Variants in EEPD1 observed in about 807,000 individuals in gnomAD.
EEPD1 encodes endonuclease/exonuclease/phosphatase family domain containing 1.
In EEPD1, 17 loss-of-function variants were observed where a neutral mutation model predicts 46.3. That is an observed-to-expected ratio of 0.37 (90% CI 0.25 to 0.55). The LOEUF is 0.55. Among genes scored for constraint, EEPD1 ranks in the 20% least tolerant of loss-of-function variants. The pLI is 0.83. For missense variants in EEPD1, 673 were observed against 745.6 expected, an observed-to-expected ratio of 0.90 and a Z score of 1.13; for synonymous variants, 313 against 315.6, an observed-to-expected ratio of 0.99 and a Z score of 0.09.
chr7:36,225,064 G>A lies in EEPD1; in HGVS notation c.879-13921G>A, dbSNP rs556139885. 1.3e-5 allele frequency among the ~76,000 whole-genome samples: 2 copies of A among 152,082 alleles called. No individual in the cohort carries two copies. The highest frequency in any genetic ancestry group is 4.8e-5 in the African/African-American group (2 of 41,486). The stretch of plus-strand genomic sequence containing the variant: ...GCCACCAGAGACAAAAAAAAAATAG[G>A]CTCTCCTCTCGAGCCTCCAGAGGGA... On this transcript the variant is annotated intron_variant, in intron 2 of 7. Transcript: ENST00000242108. The surrounding 1 kb of genome is among the most constrained non-coding windows in gnomAD (Gnocchi z 4.2).
At chr7:36,184,990 CA>C (rs1362663920) in intron 2 of EEPD1, among the ~76,000 whole-genome samples, 1 of 152,140 alleles carries the variant, frequency 6.6e-6, no homozygotes, top group Admixed American at 6.5e-5. Flanking sequence ...CTGGGCCTTC[CA>C]AAGTGCTGGG....
intron 3 of EEPD1, among the ~76,000 whole-genome samples, chr7:36,263,063 C>G (rs944584184): frequency 1.3e-5 from 2 of 152,156 alleles, no homozygotes; most frequent in African/African-American, 4.8e-5. Flanking sequence ...TTTAGCTGTT[C>G]ATGGTGGTGC....
chr7:36,213,841 C>A (rs1785980591), intron 2 of EEPD1, among the ~76,000 whole-genome samples: 2 of 152,152 alleles, frequency 1.3e-5, no homozygotes, highest in African/African-American at 4.8e-5. Flanking sequence ...AGAGCAAGGG[C>A]AGGGCAGGGT....
intron 6 of EEPD1, among the ~76,000 whole-genome samples, chr7:36,290,858 G>A (rs1189684341): frequency 6.6e-6 from 1 of 152,186 alleles, no homozygotes; most frequent in Non-Finnish European, 1.5e-5. Flanking sequence ...TCAAGGGAGC[G>A]ACAAAGGAGC....
intron 2 of EEPD1, among the ~76,000 whole-genome samples, chr7:36,218,467 C>T (rs1489333732): frequency 6.6e-6 from 1 of 151,964 alleles, no homozygotes; most frequent in Non-Finnish European, 1.5e-5. Context: ...TTTCTCAAAA[C>T]ACCTTATACT....
Position 36,183,916 on chromosome 7 carries a change from T to G in EEPD1, c.878+28714T>G, listed in dbSNP as rs559207959. Among the ~76,000 whole-genome samples the G allele has an allele frequency of 4.7e-5, 7 of 150,500 alleles. No homozygotes were observed. The South Asian group carries it at 1.5e-3, about 31-fold the overall frequency. On this transcript the variant is annotated intron_variant, in intron 2 of 7. Transcript: ENST00000242108. Reference sequence around the variant, plus strand: ...TTTTAAAAAAATGTGTGTTGTTGTTTATTATGTTTTCTCACAAACAGCCGC... The same window carrying G: ...TTTTAAAAAAATGTGTGTTGTTGTTGATTATGTTTTCTCACAAACAGCCGC...
intron 2 of EEPD1, among the ~76,000 whole-genome samples, chr7:36,159,780 C>A (rs1207622645): frequency 2.0e-5 from 3 of 152,176 alleles, no homozygotes; most frequent in Non-Finnish European, 4.4e-5. Flanking sequence ...GGGCTTGAGG[C>A]CAGAGGTAGA....
chr7:36,273,749 G>A (rs73105469), intron 3 of EEPD1, among the ~76,000 whole-genome samples: 2,357 of 152,230 alleles, frequency 0.015, 34 homozygotes, highest in Middle Eastern at 0.037. Flanking sequence ...TAACAGATGG[G>A]GAGACTGAGG....
intron 3 of EEPD1, among the ~76,000 whole-genome samples, chr7:36,242,274 C>T (rs1786566956): frequency 2.0e-5 from 3 of 152,190 alleles, no homozygotes; most frequent in Admixed American, 1.3e-4. Context: ...TGCCCATGTT[C>T]TTTCCTATTC....
In EEPD1 at chr7:36,154,192, T is replaced by C; in HGVS notation, c.-133T>C. On this transcript the variant is annotated 5_prime_UTR_variant, in exon 2 of 8. Transcript: ENST00000242108. The surrounding 1 kb of genome is among the most constrained non-coding windows in gnomAD (Gnocchi z 4.2). ...GCATGGAAGATTCGGTGTTTGTCTATAGTAACCTCTTCAGTCCCTGAATCC... is the reference window on the plus strand; with the variant it reads ...GCATGGAAGATTCGGTGTTTGTCTACAGTAACCTCTTCAGTCCCTGAATCC... The C allele has an allele frequency of 8.7e-7, 1 of 1,144,042 alleles. No individual in the cohort carries two copies. Among genetic ancestry groups the C allele is most frequent in the East Asian group, 2.6e-5 (1 of 38,706 alleles). The allele number at this position is 1,144,042 out of a possible 1,614,324, so 70.9% of individuals were successfully genotyped here.
rs1583475582 is a variant in EEPD1, at chr7:36,276,619, T to C, written c.931-4496T>C. Among the ~76,000 whole-genome samples, 3 of 152,340 alleles carry C rather than the reference T, an allele frequency of 2.0e-5. No homozygotes were observed. In the South Asian group the frequency reaches 6.2e-4, roughly 32 times the overall value. On this transcript the variant is annotated intron_variant, in intron 3 of 7. Transcript: ENST00000242108. The stretch of plus-strand genomic sequence containing the variant: ...AATAGTATTTGTTTGTTTGGAATAA[T>C]AAAAGCTGTCTTCCCAGGCCACAGG...
intron 3 of EEPD1, among the ~76,000 whole-genome samples, chr7:36,251,298 G>GTTTCTTTCTTTCTTTCTTTC (rs372389551): frequency 6.6e-6 from 1 of 151,568 alleles, no homozygotes; most frequent in African/African-American, 2.4e-5. Flanking sequence ...CTACTGGTAG[G>GTTTCTTTCTTTCTTTCTTTC]TTTCTTTCTT....
At chr7:36,164,464 G>A (rs1269479607) in intron 2 of EEPD1, among the ~76,000 whole-genome samples, 1 of 152,182 alleles carries the variant, frequency 6.6e-6, no homozygotes, top group African/African-American at 2.4e-5. Flanking sequence ...TTTTACAAAG[G>A]GAATGGGGAC....
At chr7:36,288,605 GA>G (rs1562713785) in intron 6 of EEPD1, among the ~76,000 whole-genome samples, 1 of 151,810 alleles carries the variant, frequency 6.6e-6, no homozygotes, top group African/African-American at 2.4e-5. Context: ...TACAAAGAAC[GA>G]AAAAAATTAG....
At chr7:36,163,883 GAA>G (rs11411037) in intron 2 of EEPD1, among the ~76,000 whole-genome samples, 9 of 111,064 alleles carry the variant, frequency 8.1e-5, no homozygotes, top group Admixed American at 3.0e-4. Context: ...ATCTCAGGAA[GAA>G]AAAAAAAAAA....
intron 3 of EEPD1, among the ~76,000 whole-genome samples, chr7:36,279,791 T>C (rs991936302): frequency 1.3e-5 from 2 of 152,186 alleles, no homozygotes; most frequent in Non-Finnish European, 2.9e-5. Flanking sequence ...TTCTAGCACG[T>C]TCTCAGGTGA....
intron 3 of EEPD1, among the ~76,000 whole-genome samples, chr7:36,255,740 T>G (rs1437775325): frequency 6.6e-6 from 1 of 152,178 alleles, no homozygotes; most frequent in Non-Finnish European, 1.5e-5. Flanking sequence ...GTCTGGCTAG[T>G]GGTCTATCTA....
chr7:36,202,421 G>A (rs2726090), intron 2 of EEPD1, among the ~76,000 whole-genome samples: 3 of 151,902 alleles, frequency 2.0e-5, no homozygotes, highest in African/African-American at 4.8e-5. Context: ...TTCGCTAGCC[G>A]GGGTGAAGCA....
chr7:36,261,724 G>A (rs575964733), intron 3 of EEPD1, among the ~76,000 whole-genome samples: 10 of 152,336 alleles, frequency 6.6e-5, no homozygotes, highest in African/African-American at 1.9e-4. Flanking sequence ...GCAGGCAGGT[G>A]AAACTGTTTT....
Sources: allele counts gnomAD v4.1 joint callset (sites outside exome capture counted in the v4.1 genomes callset), GRCh38; gene constraint gnomAD v4.1.1; non-coding constraint Gnocchi (gnomAD v3.1); transcripts MANE v1.5; gene names NCBI Gene and HGNC (gene_info 2026-07-23, HGNC 2026-07-21).